ARHGAP10: variants seen among roughly 807,000 people sequenced by gnomAD.
ARHGAP10 encodes rho GTPase-activating protein 10.
Under a neutral mutation model 108.6 loss-of-function variants are expected in ARHGAP10, and 87 were observed. The ratio of observed to expected loss-of-function variants is 0.80; its 90% CI spans 0.67 to 0.96. ARHGAP10 has a LOEUF of 0.96. Ranked by LOEUF, ARHGAP10 falls within the 40% of genes least tolerant of loss-of-function variation. ARHGAP10 has a pLI of 0.00. For missense variants in ARHGAP10, 939 were observed against 954.5 expected (o/e 0.98, Z 0.21); for synonymous variants, 347 against 341.1 (o/e 1.02, Z -0.19).
At chr4:147,791,802 C>T (rs893566445) in intron 1 of ARHGAP10, among the ~76,000 whole-genome samples, 1 of 152,114 alleles carries the variant, frequency 6.6e-6, no homozygotes, top group South Asian at 2.1e-4. Flanking sequence ...CCAGGCTCGT[C>T]TCGAACTCCT....
intron 1 of ARHGAP10, among the ~76,000 whole-genome samples, chr4:147,784,370 A>T (rs1730714894): frequency 7.5e-6 from 1 of 133,554 alleles, no homozygotes; most frequent in Non-Finnish European, 1.5e-5. Flanking sequence ...TATATAATAC[A>T]TATTAAATTA....
At chr4:147,829,033 C>G (rs1732837751) in intron 3 of ARHGAP10, among the ~76,000 whole-genome samples, 1 of 147,040 alleles carries the variant, frequency 6.8e-6, no homozygotes, top group African/African-American at 2.5e-5. Flanking sequence ...CACCTGCCAC[C>G]ATGCCTGGCT....
At chr4:147,820,950 A>G (rs1732470423) in intron 1 of ARHGAP10, among the ~76,000 whole-genome samples, 1 of 152,100 alleles carries the variant, frequency 6.6e-6, no homozygotes, top group Non-Finnish European at 1.5e-5. Context: ...TATCTTTTCA[A>G]TTACCCTCAA....
At chr4:147,989,585 A>T (rs1026017284) in intron 18 of ARHGAP10, among the ~76,000 whole-genome samples, 1 of 152,130 alleles carries the variant, frequency 6.6e-6, no homozygotes, top group Non-Finnish European at 1.5e-5. Flanking sequence ...ATTCAGCGAT[A>T]TTTCTCCCAT....
chr4:147,899,736 T>G lies in ARHGAP10; in HGVS notation c.1035-6902T>G, dbSNP rs137970529. Among the ~76,000 whole-genome samples, 359 of 152,098 alleles carry G rather than the reference T, an allele frequency of 2.4e-3. 1 individual carries two copies. Among genetic ancestry groups the G allele is most frequent in the African/African-American group, 6.8e-3 (283 of 41,524 alleles). On this transcript the variant is annotated intron_variant, in intron 10 of 22. Transcript: ENST00000336498. ...TATCATCTCTGGAAAAAATGCATGA[T>G]TCATAGATTTATACTTTGTTTTTTT...
intron 13 of ARHGAP10, among the ~76,000 whole-genome samples, chr4:147,919,734 A>G (rs1358864207): frequency 2.0e-5 from 3 of 152,096 alleles, no homozygotes; most frequent in Non-Finnish European, 4.4e-5. Flanking sequence ...GTGTGCCACA[A>G]TACCCAGCTA....
chr4:148,042,029 A>G (rs1728654400), intron 19 of ARHGAP10, among the ~76,000 whole-genome samples: 1 of 152,172 alleles, frequency 6.6e-6, no homozygotes, highest in Non-Finnish European at 1.5e-5. Flanking sequence ...TCTGAGCTCT[A>G]GGGTTGTATA....
At chr4:147,967,466 G>A (rs1362225494) in intron 18 of ARHGAP10, among the ~76,000 whole-genome samples, 1 of 152,190 alleles carries the variant, frequency 6.6e-6, no homozygotes, top group Admixed American at 6.5e-5. Context: ...GCAGGGAAGG[G>A]TAAATATTCC....
rs369078409 is a variant in ARHGAP10 at position 148,069,644 on chromosome 4, A to G, written c.2273-2349A>G. On this transcript the variant is annotated intron_variant, in intron 22 of 22. Transcript: ENST00000336498. ...AGTGAGCATGTGCAGGTGAGACTAT[A>G]TTTGAGACTCTCTTACTGCCTCCTC... is the stretch of plus-strand genomic sequence containing the variant. Among the ~76,000 whole-genome samples, 5 of 152,194 alleles carry G rather than the reference A, an allele frequency of 3.3e-5. No homozygotes were observed. In the East Asian group the frequency reaches 7.7e-4, roughly 23 times the overall value.
At chr4:147,922,193 C>G (rs1036975240) in intron 13 of ARHGAP10, among the ~76,000 whole-genome samples, 1 of 151,856 alleles carries the variant, frequency 6.6e-6, no homozygotes, top group African/African-American at 2.4e-5. Context: ...CATTTGGGAC[C>G]CGAGGGCCAT....
chr4:148,043,067 A>G (rs920176307), intron 19 of ARHGAP10, among the ~76,000 whole-genome samples: 12 of 152,196 alleles, frequency 7.9e-5, no homozygotes, highest in African/African-American at 2.2e-4. Context: ...AAAATGTACA[A>G]GGGAAATGGG....
rs1033504844 is a variant in ARHGAP10 at position 147,732,109 on chromosome 4, G to A, written c.-193G>A. On this transcript the variant is annotated 5_prime_UTR_variant, in exon 1 of 23. Coordinates refer to ENST00000336498, the MANE Select transcript of ARHGAP10 (RefSeq NM_024605.4). ...GATTGGGGCGCCGCAGCTAGCGCTG[G>A]TCTCGGTGGCAGCTCCTCCGCGCCG... The A allele has an allele frequency of 2.3e-5, 9 of 388,952 alleles. No individual in the cohort carries two copies. The highest frequency in any genetic ancestry group is 3.4e-5 in the Non-Finnish European group (8 of 233,344). The allele number at this position is 388,952 out of a possible 1,614,324, so 24.1% of individuals were successfully genotyped here.
chr4:148,032,101 C>T (rs1387702576), intron 19 of ARHGAP10, among the ~76,000 whole-genome samples: 1 of 152,034 alleles, frequency 6.6e-6, no homozygotes, highest in Non-Finnish European at 1.5e-5. Flanking sequence ...CCACTCCTCT[C>T]CCCTTCTTTC....
At chr4:147,906,150 A>G (rs1254837267) in intron 10 of ARHGAP10, among the ~76,000 whole-genome samples, 1 of 152,194 alleles carries the variant, frequency 6.6e-6, no homozygotes, top group Non-Finnish European at 1.5e-5. Context: ...ATTCATATGT[A>G]TATTCCATAT....
At chr4:147,824,727 A>C (rs891115492) in intron 3 of ARHGAP10, among the ~76,000 whole-genome samples, 1 of 152,118 alleles carries the variant, frequency 6.6e-6, no homozygotes, top group East Asian at 1.9e-4. Flanking sequence ...TGTCATGAGA[A>C]CAGCATGGGG....
chr4:148,026,836 A>G (rs1727878881), intron 19 of ARHGAP10, among the ~76,000 whole-genome samples: 1 of 152,240 alleles, frequency 6.6e-6, no homozygotes, highest in African/African-American at 2.4e-5. Context: ...AAGATTAGAA[A>G]TCAAAGGTTT....
chr4:147,879,162 A>G (rs1198289262), intron 8 of ARHGAP10, 70 bp from the exon 9 acceptor site: 1 of 1,248,208 alleles, frequency 8.0e-7, no homozygotes, highest in Non-Finnish European at 1.1e-6. Context: ...CCTCTTTAGT[A>G]ATGTGTTTAT....
In ARHGAP10 at chr4:147,887,226, C is replaced by T. The variant is rs185104085; in HGVS notation, c.1034+5294C>T. ...TTCCCGCTCTAGACACCCACCTCCA[C>T]CCTCAGTGCCCAGACACCCTGCCTT... On this transcript the variant is annotated intron_variant, in intron 10 of 22. Transcript: ENST00000336498. Among the ~76,000 whole-genome samples the T allele has an allele frequency of 8.1e-4, 123 of 152,260 alleles. No individual in the cohort carries two copies. In the Middle Eastern group the frequency reaches 0.01, roughly 13 times the overall value.
At chr4:148,055,582 G>A (rs1369694927) in intron 20 of ARHGAP10, among the ~76,000 whole-genome samples, 1 of 152,134 alleles carries the variant, frequency 6.6e-6, no homozygotes, top group African/African-American at 2.4e-5. Flanking sequence ...CCAGCTACTC[G>A]GGAGGCGAAG....
Sources: gnomAD v4.1 joint callset for allele counts (sites outside exome capture counted in the v4.1 genomes callset) on GRCh38, gnomAD v4.1.1 for gene constraint, MANE v1.5 for transcripts, NCBI Gene and HGNC (gene_info 2026-07-23, HGNC 2026-07-21) for gene names.